The following TLN2 variants were observed in gnomAD, a reference collection of about 807,000 sequenced individuals.
TLN2 encodes talin 2.
In TLN2, 118 loss-of-function variants were observed where a neutral mutation model predicts 294.7. That is an observed-to-expected ratio of 0.40 (90% CI 0.34 to 0.47). The LOEUF is 0.47. Ranked by LOEUF, TLN2 falls within the 20% of genes least tolerant of loss-of-function variation. The pLI, the probability that TLN2 is intolerant of heterozygous loss-of-function variation, is 0.84. For synonymous variants in TLN2, 1,431 were observed against 1,304.5 expected (o/e 1.10, Z -2.09); for missense variants, 3,083 against 3,282.2 (o/e 0.94, Z 1.48).
intron 1 of TLN2, among the ~76,000 whole-genome samples, chr15:62,473,707 C>T (rs1032881508): frequency 1.3e-5 from 2 of 152,220 alleles, no homozygotes; most frequent in African/African-American, 4.8e-5. Flanking sequence ...TCTCTTTCAT[C>T]AGTGCTACAA....
chr15:62,806,709 G>A (rs1021334891), intron 51 of TLN2, among the ~76,000 whole-genome samples: 1 of 152,184 alleles, frequency 6.6e-6, no homozygotes, highest in Non-Finnish European at 1.5e-5. Context: ...AACTATAAGA[G>A]CCCCCACCCT....
chr15:62,621,234 A>T (rs1233301441), intron 3 of TLN2, among the ~76,000 whole-genome samples: 1 of 152,170 alleles, frequency 6.6e-6, no homozygotes, highest in African/African-American at 2.4e-5. Context: ...GCACTCAAGG[A>T]TTCAGGTTAG....
intron 1 of TLN2, among the ~76,000 whole-genome samples, chr15:62,519,785 C>T (rs75267731): frequency 0.019 from 2,940 of 152,270 alleles, 34 homozygotes; most frequent in Non-Finnish European, 0.028. Flanking sequence ...GTGTTACGTG[C>T]ATATGAAATT....
At chr15:62,785,733 A>C (rs1163162111) in intron 45 of TLN2, among the ~76,000 whole-genome samples, 7 of 151,728 alleles carry the variant, frequency 4.6e-5, no homozygotes, top group Admixed American at 4.6e-4. Context: ...AATGGAATCT[A>C]CCACCATCTG....
chr15:62,716,490 C>A (rs750867174), intron 23 of TLN2, 31 bp downstream of exon 23: 5 of 1,568,340 alleles, frequency 3.2e-6, no homozygotes, highest in Non-Finnish European at 4.3e-6. Context: ...TCTGGGATGC[C>A]CATCTTAAAT....
intron 37 of TLN2, among the ~76,000 whole-genome samples, chr15:62,758,318 G>A (rs1451233327): frequency 1.3e-5 from 2 of 152,220 alleles, no homozygotes; most frequent in Non-Finnish European, 2.9e-5. Context: ...TGCCAGGGAT[G>A]GCTGTAAATG....
intron 3 of TLN2, among the ~76,000 whole-genome samples, chr15:62,632,036 CA>C (rs1164109230): frequency 3.9e-5 from 6 of 152,208 alleles, no homozygotes; most frequent in Admixed American, 1.3e-4. Flanking sequence ...AGAGTGGCTC[CA>C]AAGTCTCTGT....
chr15:62,675,138 C>T lies in TLN2; in HGVS notation c.853-79C>T, dbSNP rs116609030. On this transcript the variant is annotated intron_variant, in intron 10 of 58. Coordinates refer to ENST00000636159, the MANE Select transcript of TLN2 (RefSeq NM_015059.3). ...CATTCCTAGCCATTTATCTCCACCA[C>T]ATACAGTAACTACCTCTCTCCAAGT... is the stretch of plus-strand genomic sequence containing the variant. 2.0e-3 allele frequency: 2,684 copies of T among 1,322,834 alleles called. 38 individuals carry two copies. The African/African-American group carries it at 0.034, about 17-fold the overall frequency. The allele number at this position is 1,322,834 out of a possible 1,614,324, so 81.9% of individuals were successfully genotyped here.
At chr15:62,780,187 A>G (rs562938725) in intron 43 of TLN2, among the ~76,000 whole-genome samples, 2 of 152,306 alleles carry the variant, frequency 1.3e-5, no homozygotes, top group East Asian at 3.9e-4. Context: ...CTCTGCCTGT[A>G]TTAATTTCTG....
At chr15:62,741,877 A>C (rs1002376908) in intron 32 of TLN2, among the ~76,000 whole-genome samples, 3 of 151,900 alleles carry the variant, frequency 2.0e-5, no homozygotes, top group African/African-American at 7.3e-5. Context: ...CGCATTGGTC[A>C]GGTTGCTCAG....
intron 1 of TLN2, among the ~76,000 whole-genome samples, chr15:62,510,817 T>C (rs771675095): frequency 2.0e-5 from 3 of 152,252 alleles, no homozygotes; most frequent in Non-Finnish European, 2.9e-5. Context: ...TGTGTTTTTA[T>C]GTATGTGAAA....
chr15:62,552,742 A>G (rs1006831380), intron 1 of TLN2, among the ~76,000 whole-genome samples: 2 of 152,238 alleles, frequency 1.3e-5, no homozygotes, highest in African/African-American at 4.8e-5. Context: ...AATTGACAAT[A>G]TATTAAAGAA....
chr15:62,843,417 A>C lies in TLN2; in HGVS notation c.*2807A>C, dbSNP rs923674103. 1 of 152,262 alleles carries C rather than the reference A, an allele frequency of 6.6e-6. No homozygotes were observed. 9.4% of individuals were successfully genotyped at this position (152,262 alleles called of 1,614,324 possible). Reference sequence around the variant, plus strand: ...GAACAGCCCTTGTTTAAGTTTTGCCAGTGTCCAGCCAGCTGTGGCCCTGGC... The same window carrying C: ...GAACAGCCCTTGTTTAAGTTTTGCCCGTGTCCAGCCAGCTGTGGCCCTGGC... On this transcript the variant is annotated 3_prime_UTR_variant, in exon 59 of 59. Coordinates refer to ENST00000636159, the MANE Select transcript of TLN2 (RefSeq NM_015059.3).
intron 1 of TLN2, among the ~76,000 whole-genome samples, chr15:62,564,369 C>T (rs1300616735): frequency 3.3e-5 from 5 of 152,102 alleles, no homozygotes; most frequent in Admixed American, 6.5e-5. Context: ...GGAACAGGAA[C>T]GGCTTTCAGA....
At chr15:62,723,098 G>A (rs1400164088) in intron 26 of TLN2, among the ~76,000 whole-genome samples, 2 of 152,186 alleles carry the variant, frequency 1.3e-5, no homozygotes, top group Non-Finnish European at 2.9e-5. Context: ...TGAAGTTCTA[G>A]CATGAATTCA....
intron 9 of TLN2, among the ~76,000 whole-genome samples, chr15:62,660,990 A>G (rs2053755406): frequency 6.6e-6 from 1 of 152,220 alleles, no homozygotes; most frequent in Admixed American, 6.5e-5. Context: ...GTTTCTAAAA[A>G]GGTGGGAAGA....
intron 1 of TLN2, among the ~76,000 whole-genome samples, chr15:62,418,244 T>C (rs778783213): frequency 2.0e-5 from 3 of 152,132 alleles, no homozygotes; most frequent in Admixed American, 6.5e-5. Flanking sequence ...TCTTGGTGAG[T>C]CCTCCTCTCT....
chr15:62,626,961 T>C (rs2049339806), intron 3 of TLN2, among the ~76,000 whole-genome samples: 1 of 152,214 alleles, frequency 6.6e-6, no homozygotes, highest in South Asian at 2.1e-4. Flanking sequence ...TCTTGGCAGA[T>C]ATCCAGTTAC....
At chr15:62,411,446 TGTGTGTG>T (rs1465974647) in intron 1 of TLN2, among the ~76,000 whole-genome samples, 2 of 151,168 alleles carry the variant, frequency 1.3e-5, no homozygotes, top group East Asian at 3.9e-4. Flanking sequence ...TGTGTGTGTG[TGTGTGTG>T]TGTGTGTGTG....
Sources: gnomAD v4.1 joint callset for allele counts (sites outside exome capture counted in the v4.1 genomes callset) on GRCh38, gnomAD v4.1.1 for gene constraint, MANE v1.5 for transcripts, NCBI Gene and HGNC (gene_info 2026-07-23, HGNC 2026-07-21) for gene names.